Variants in DDX27 observed in about 807,000 individuals in gnomAD.
DDX27 encodes DEAD-box helicase 27, also known as probable ATP-dependent RNA helicase DDX27.
DDX27 carries 42 observed loss-of-function variants against 99.3 expected under a neutral mutation model. The ratio of observed to expected loss-of-function variants is 0.42; its 90% CI spans 0.33 to 0.55. DDX27 has a LOEUF of 0.55. DDX27 is among the 20% of genes least tolerant of loss of function. DDX27 has a pLI of 0.07. For missense variants in DDX27, 798 were observed against 976.8 expected (o/e 0.82, Z 2.44); for synonymous variants, 329 against 353.8 (o/e 0.93, Z 0.79).
chr20:49,240,970 C>T (rs1352583899), intron 16 of DDX27, among the ~76,000 whole-genome samples: 1 of 152,110 alleles, frequency 6.6e-6, no homozygotes, highest in Admixed American at 6.6e-5. Flanking sequence ...AGCTAAGATT[C>T]TGCCACTGAA....
chr20:49,238,792 T>TTTTTTA, intron 14 of DDX27, 157 bp from the exon 15 acceptor site: 1 of 239,376 alleles, frequency 4.2e-6, no homozygotes, highest in Non-Finnish European at 7.1e-6. Context: ...TTTTTTTTTG[T>TTTTTTA]AGAGACAGAG....
rs1979560585 is a variant in DDX27 at position 49,219,683 on chromosome 20, T to C, written c.93+142T>C. The C allele has an allele frequency of 4.8e-6, 4 of 839,694 alleles. No individual in the cohort carries two copies. In the South Asian group the frequency reaches 5.6e-5, roughly 12 times the overall value. 52.0% of individuals were successfully genotyped at this position (839,694 alleles called of 1,614,324 possible). ...AGGATCTCACCGGGACCCCAAGATCTTCCTCAGTTTCCCCGCCACTAGGTT... is the reference window on the plus strand; with the variant it reads ...AGGATCTCACCGGGACCCCAAGATCCTCCTCAGTTTCCCCGCCACTAGGTT... On this transcript the variant is annotated intron_variant, in intron 1 of 20. Transcript: ENST00000618172.
Position 49,239,053 on chromosome 20 carries a change from C to A in DDX27, c.1792C>A (p.Gln598Lys). ...EEKEMQQSEA[Q>K]INTAKRLLEK... ...AAAAGAGATGCAGCAGTCAGAAGCCCAGGTGAGGCTGCGAGGCGGGATCTT... is the reference window on the plus strand; with the variant it reads ...AAAAGAGATGCAGCAGTCAGAAGCCAAGGTGAGGCTGCGAGGCGGGATCTT... Residue 598 changes from glutamine (Q) to lysine (K), a missense_variant and splice_region_variant, in exon 15 of 21, where the codon CAG becomes AAG. Transcript: ENST00000618172. 6.2e-7 allele frequency: 1 copy of A among 1,612,744 alleles called. No homozygotes were observed. The highest frequency in any genetic ancestry group is 8.5e-7 in the Non-Finnish European group (1 of 1,178,808).
At chr20:49,230,006 A>C (rs1980043931) in intron 8 of DDX27, among the ~76,000 whole-genome samples, 193 bp from the exon 9 acceptor site, 1 of 152,162 alleles carries the variant, frequency 6.6e-6, no homozygotes, top group South Asian at 2.1e-4. Flanking sequence ...TTTTGCACTT[A>C]GCACAATTTT....
In DDX27 at chr20:49,233,410, G is replaced by A. The variant is rs373839041; in HGVS notation, c.1131+5G>A. On this transcript the variant is annotated splice_donor_5th_base_variant and intron_variant, in intron 10 of 20. Coordinates refer to ENST00000618172, the MANE Select transcript of DDX27 (RefSeq NM_017895.8). ...TCGGCCACCATGACAGACGAGGTGGGCCGAGGGACTTCTCTGTGGCGGGTG... is the reference window on the plus strand; with the variant it reads ...TCGGCCACCATGACAGACGAGGTGGACCGAGGGACTTCTCTGTGGCGGGTG... 176 of 1,613,458 alleles carry A rather than the reference G, an allele frequency of 1.1e-4. No individual in the cohort carries two copies. The highest frequency in any genetic ancestry group is 1.3e-4 in the Non-Finnish European group (154 of 1,179,920).
intron 6 of DDX27, among the ~76,000 whole-genome samples, chr20:49,225,590 G>A (rs1243238441): frequency 6.6e-6 from 1 of 151,740 alleles, no homozygotes; most frequent in Admixed American, 6.6e-5. Context: ...CCAGCAGCTG[G>A]GACTACAGGC....
At chr20:49,235,227 C>A in intron 12 of DDX27, 139 bp downstream of exon 12, 1 of 976,774 alleles carries the variant, frequency 1.0e-6, no homozygotes, top group Non-Finnish European at 1.4e-6. Flanking sequence ...ACATTTTAAC[C>A]TAACCACTGT....
chr20:49,219,602 A>C, intron 1 of DDX27, 61 bp downstream of exon 1: 1 of 1,508,892 alleles, frequency 6.6e-7, no homozygotes, highest in South Asian at 1.2e-5. Flanking sequence ...GCGATTCCTC[A>C]GGTCCCTGTC....
At chr20:49,229,354 T>G (rs1373152214) in intron 8 of DDX27, among the ~76,000 whole-genome samples, 1 of 152,100 alleles carries the variant, frequency 6.6e-6, no homozygotes, top group Non-Finnish European at 1.5e-5. Context: ...GTGCTTTAGG[T>G]GGGTGGGATT....
At chr20:49,234,910 C>T in intron 11 of DDX27, 25 bp from the exon 12 acceptor site, 2 of 1,561,570 alleles carry the variant, frequency 1.3e-6, no homozygotes, top group South Asian at 1.2e-5. Flanking sequence ...AAACAGCTGC[C>T]AGCTCAGTCC....
rs1326610204 is a variant in DDX27, at chr20:49,239,407, C to T, written c.1897+69C>T. On this transcript the variant is annotated intron_variant, in intron 16 of 20. Coordinates refer to ENST00000618172, the MANE Select transcript of DDX27 (RefSeq NM_017895.8). ...CCACAGGACTCAGCAGTTCCATTTC[C>T]TAGTTCTATACTGTAAAGCAGCGGT... 9 of 1,176,836 alleles carry T rather than the reference C, an allele frequency of 7.6e-6. No homozygotes were observed. The Admixed American group carries it at 1.4e-4, about 18-fold the overall frequency. 72.9% of individuals were successfully genotyped at this position (1,176,836 alleles called of 1,614,324 possible).
intron 16 of DDX27, 36 bp downstream of exon 16, chr20:49,239,374 G>GA: frequency 6.6e-7 from 1 of 1,505,376 alleles, no homozygotes; most frequent in Non-Finnish European, 9.1e-7. Context: ...TCTAAATACA[G>GA]AATTACCCCA....
intron 4 of DDX27, among the ~76,000 whole-genome samples, chr20:49,224,202 C>T (rs542097018): frequency 2.0e-5 from 3 of 152,098 alleles, no homozygotes; most frequent in Admixed American, 1.3e-4. Context: ...GTTTTCTTTT[C>T]TCTTGGGATT....
chr20:49,239,094 C>T (rs769157521), intron 15 of DDX27, 39 bp downstream of exon 15: 3 of 1,570,184 alleles, frequency 1.9e-6, no homozygotes, highest in Middle Eastern at 1.7e-4. Flanking sequence ...CAAGGCTGCT[C>T]AGTAAGCAAG....
intron 4 of DDX27, among the ~76,000 whole-genome samples, chr20:49,224,173 G>A (rs530062539): frequency 1.3e-3 from 191 of 152,018 alleles, no homozygotes; most frequent in African/African-American, 4.5e-3. Flanking sequence ...CACTGTGCCC[G>A]CTGAATCCTT....
chr20:49,234,724 C>T (rs1490800289), intron 11 of DDX27: 1 of 481,894 alleles, frequency 2.1e-6, no homozygotes, highest in South Asian at 4.0e-5. Context: ...TAGCTGCTTC[C>T]CCCTCGTCCC....
chr20:49,234,832 A>G (rs893679099), intron 11 of DDX27, 103 bp from the exon 12 acceptor site: 1 of 1,343,838 alleles, frequency 7.4e-7, no homozygotes, highest in Non-Finnish European at 1.0e-6. Flanking sequence ...GTGCCTGTCT[A>G]TCCAGTGCCA....
Position 49,227,072 on chromosome 20 carries a change from C to T in DDX27, c.706+537C>T, listed in dbSNP as rs187891099. ...AGAGACGGGGTTTCACCGTTTTAGC[C>T]GGGATGGTCTTGATCTCCTGACCTC... is the stretch of plus-strand genomic sequence containing the variant. On this transcript the variant is annotated intron_variant, in intron 7 of 20. Transcript: ENST00000618172. Among the ~76,000 whole-genome samples, 848 of 150,120 alleles carry T rather than the reference C, an allele frequency of 5.6e-3. 10 individuals are homozygous for T. Among genetic ancestry groups the T allele is most frequent in the African/African-American group, 0.02 (796 of 40,746 alleles).
intron 9 of DDX27, 53 bp from the exon 10 acceptor site, chr20:49,233,253 C>A: frequency 7.2e-7 from 1 of 1,398,556 alleles, no homozygotes; most frequent in Non-Finnish European, 1.0e-6. Flanking sequence ...GTGTCCCTCA[C>A]TGTGACCGAA....
Sources: allele counts gnomAD v4.1 joint callset (sites outside exome capture counted in the v4.1 genomes callset), GRCh38; gene constraint gnomAD v4.1.1; transcripts MANE v1.5; gene names NCBI Gene and HGNC (gene_info 2026-07-23, HGNC 2026-07-21).